Variants in RALGDS observed in about 807,000 individuals in gnomAD.
RALGDS encodes the protein ral guanine nucleotide exchange factor.
RALGDS carries 44 observed loss-of-function variants against 99.8 expected under a neutral mutation model. The ratio of observed to expected loss-of-function variants is 0.44; its 90% CI spans 0.35 to 0.57. The LOEUF is 0.57. Ranked by LOEUF, RALGDS falls within the 20% of genes least tolerant of loss-of-function variation. RALGDS has a pLI of 0.01. For synonymous variants in RALGDS, 529 were observed against 505.0 expected, an observed-to-expected ratio of 1.05 and a Z score of -0.64; for missense variants, 1,022 against 1,203.1, an observed-to-expected ratio of 0.85 and a Z score of 2.23.
In RALGDS at chr9:133,106,668, C is replaced by T; in HGVS notation, c.1494G>A (p.Lys498=). Residue 498 remains lysine (K), a synonymous_variant, in exon 8 of 18, where the codon AAG becomes AAA. Transcript: ENST00000372050. ...ACCTGGAAACGTCTTCCCACGTCTT[C>T]TTCAGACGGTGGATGGAGTTGCTCT... ...ALQSNSIHRL[K]KTWEDVSRDS... The T allele has an allele frequency of 6.2e-7, 1 of 1,611,526 alleles. No homozygotes were observed. Among genetic ancestry groups the T allele is most frequent in the Non-Finnish European group, 8.5e-7 (1 of 1,178,868 alleles).
intron 3 of RALGDS, 68 bp from the exon 4 acceptor site, chr9:133,109,789 TTTTTTTTTTGC>T: frequency 7.5e-7 from 1 of 1,328,562 alleles, no homozygotes. Context: ...GGGCAGGGAT[TTTTTTTTTTGC>T]TTTTTTTCAT....
chr9:133,127,668 G>A (rs1053684764), intron 1 of RALGDS, among the ~76,000 whole-genome samples: 4 of 152,230 alleles, frequency 2.6e-5, no homozygotes, highest in Non-Finnish European at 2.9e-5. Flanking sequence ...GCCTGGCTCA[G>A]CCCCACCTCC....
At position 133,100,820 on chromosome 9, in the gene RALGDS, T is replaced by C. The variant is rs115635611; in HGVS notation, c.2455-438A>G. 2.5e-3 allele frequency: 2,689 copies of C among 1,076,918 alleles called. 54 individuals carry two copies. In the African/African-American group the frequency reaches 0.042, roughly 17 times the overall value. 66.7% of individuals were successfully genotyped at this position (1,076,918 alleles called of 1,614,324 possible). On this transcript the variant is annotated intron_variant, in intron 16 of 17. Transcript: ENST00000372050. Reference sequence around the variant, plus strand: ...GGCCAGGCCCCTGCTACCTTGACCCTGAGGGCCAGAGCACAGGCGGAACTC... The same window carrying C: ...GGCCAGGCCCCTGCTACCTTGACCCCGAGGGCCAGAGCACAGGCGGAACTC...
In RALGDS at chr9:133,131,107, G is replaced by T. The variant is rs140407147; in HGVS notation, c.-24C>A. Reference sequence around the variant, plus strand: ...ATCAGGCCCTGGGGCCCGGCTTCCCGCCCAGACACTGCCCCAGCAGCACCT... The same window carrying T: ...ATCAGGCCCTGGGGCCCGGCTTCCCTCCCAGACACTGCCCCAGCAGCACCT... On this transcript the variant is annotated 5_prime_UTR_variant, in exon 1 of 18. Coordinates refer to the RALGDS transcript ENST00000372062. The T allele has an allele frequency of 1.4e-5, 21 of 1,454,056 alleles. No homozygotes were observed. In the Admixed American group the frequency reaches 4.5e-4, roughly 31 times the overall value. 90.1% of individuals were successfully genotyped at this position (1,454,056 alleles called of 1,614,324 possible).
chr9:133,131,087 GCC>G, exon 1 of RALGDS: 1 of 1,473,150 alleles, frequency 6.8e-7, no homozygotes, highest in Non-Finnish European at 8.9e-7. Flanking sequence ...GGCACATCAG[GCC>G]CTGGGGCCCG....
chr9:133,103,620 T>C, intron 11 of RALGDS, 127 bp downstream of exon 11: 1 of 1,007,342 alleles, frequency 9.9e-7, no homozygotes, highest in Non-Finnish European at 1.6e-6. Flanking sequence ...TGGGCAGCCC[T>C]GGGGTGTCAC....
chr9:133,146,700 T>C lies in RALGDS; in HGVS notation c.18+2263A>G, dbSNP rs182090822. Among the ~76,000 whole-genome samples, 32 of 152,338 alleles carry C rather than the reference T, an allele frequency of 2.1e-4. No homozygotes were observed. The East Asian group carries it at 6.2e-3, about 29-fold the overall frequency. ...GTCACTTCCAAGATTTACAAAAAAC[T>C]ATGACTTCTGTCTTGCTTGTTTGCT... On this transcript the variant is annotated intron_variant, in intron 1 of 17. Transcript: ENST00000393160.
At chr9:133,137,790 C>T (rs779010607) in intron 1 of RALGDS, among the ~76,000 whole-genome samples, 1 of 152,194 alleles carries the variant, frequency 6.6e-6, no homozygotes, top group Non-Finnish European at 1.5e-5. Flanking sequence ...TTCCTAAATT[C>T]CTGGCCCAGG....
rs368805508 is a variant in RALGDS, at chr9:133,098,775, G to A, written c.2570-13C>T. The A allele has an allele frequency of 1.1e-5, 18 of 1,613,680 alleles. No homozygotes were observed. The African/African-American group carries it at 1.7e-4, about 16-fold the overall frequency. On this transcript the variant is annotated splice_polypyrimidine_tract_variant and intron_variant, in intron 17 of 17. Coordinates refer to ENST00000372050, the MANE Select transcript of RALGDS (RefSeq NM_006266.4). Reference sequence around the variant, plus strand: ...GGGATCTTCAGCTCTGGTGGGGAGGGGCAGAGGGGTGATCAGGGATGCTCC... The same window carrying A: ...GGGATCTTCAGCTCTGGTGGGGAGGAGCAGAGGGGTGATCAGGGATGCTCC...
At position 133,121,057 on chromosome 9, in the gene RALGDS, A is replaced by G. The variant is rs1162531905; in HGVS notation, c.98T>C (p.Val33Ala). The G allele has an allele frequency of 2.0e-6, 3 of 1,490,318 alleles. No individual in the cohort carries two copies. The highest frequency in any genetic ancestry group is 2.7e-6 in the Non-Finnish European group (3 of 1,126,694). 92.3% of individuals were successfully genotyped at this position (1,490,318 alleles called of 1,614,324 possible). Residue 33 changes from valine to alanine, a missense_variant, in exon 1 of 18, where the codon GTG (valine) becomes GCG (alanine). Around this residue, in one of 3 missense-constraint regions of RALGDS, gnomAD observed 180 missense variants for 169.3 expected, o/e 1.06. Coordinates refer to ENST00000372050, the MANE Select transcript of RALGDS (RefSeq NM_006266.4). ...GTCGGGGACGCCCACCTCCAGGCGC[A>G]CGGCGTCCCACACGCTGCGGCTCCG... ...SRRSRSVWDA[V>A]RLEVGVPDSC... is the part of the protein sequence containing the mutation.
In RALGDS at chr9:133,107,118, G is replaced by A. The variant is rs759491980; in HGVS notation, c.1380C>T (p.Ala460=). ...GNRSTKAPDR[A]RVVEHWIEVA... is the part of the protein sequence containing the mutation. ...CCTCGATCCAGTGCTCCACCACCCT[G>A]GCCCTGTCTGGGGCTTTCGTGCTTC... The change falls in exon 7 of 18, where the codon GCC becomes GCT. Residue 460 remains alanine, a synonymous_variant. Transcript: ENST00000372050. 6.2e-7 allele frequency: 1 copy of A among 1,613,568 alleles called. No homozygotes were observed. The highest frequency in any genetic ancestry group is 1.3e-5 in the African/African-American group (1 of 74,956).
At chr9:133,145,305 ATC>A (rs969015564) in intron 1 of RALGDS, among the ~76,000 whole-genome samples, 1 of 152,118 alleles carries the variant, frequency 6.6e-6, no homozygotes. Context: ...TCCTTCTGGA[ATC>A]TCTCTGTGCC....
chr9:133,121,859 C>T (rs375297851), upstream of RALGDS, among the ~76,000 whole-genome samples: 4 of 152,190 alleles, frequency 2.6e-5, no homozygotes, highest in Non-Finnish European at 5.9e-5. Flanking sequence ...GTTCAGTGAC[C>T]CTGTCAGTGC....
intron 1 of RALGDS, among the ~76,000 whole-genome samples, chr9:133,138,793 C>G (rs1416553723): frequency 6.6e-6 from 1 of 152,180 alleles, no homozygotes. Flanking sequence ...CACCACCACG[C>G]CCGGCTAATT....
intron 4 of RALGDS, 39 bp from the exon 5 acceptor site, chr9:133,108,905 G>A: frequency 1.3e-6 from 2 of 1,561,286 alleles, no homozygotes; most frequent in Non-Finnish European, 8.8e-7. Context: ...AGAGGCCTGG[G>A]CTCCCCTGAG....
upstream of RALGDS, among the ~76,000 whole-genome samples, chr9:133,122,511 C>T (rs35528861): frequency 0.24 from 37,080 of 152,088 alleles, 4,928 homozygotes; most frequent in Middle Eastern, 0.41. Flanking sequence ...CAGACACCCA[C>T]GAAACACTTC....
intron 8 of RALGDS, 62 bp downstream of exon 8, chr9:133,106,583 G>T: frequency 7.7e-7 from 1 of 1,299,604 alleles, no homozygotes; most frequent in Non-Finnish European, 1.1e-6. Flanking sequence ...TCACTAAGGG[G>T]GTGATGCCAG....
chr9:133,148,503 A>C, intron 1 of RALGDS, among the ~76,000 whole-genome samples: 2 of 148,204 alleles, frequency 1.3e-5, no homozygotes, highest in African/African-American at 2.5e-5. Flanking sequence ...TCCCCCAGTC[A>C]CTTCCCCAGC....
intron 1 of RALGDS, among the ~76,000 whole-genome samples, chr9:133,146,719 G>C (rs1418378533): frequency 6.6e-6 from 1 of 152,226 alleles, no homozygotes; most frequent in Non-Finnish European, 1.5e-5. Context: ...TGTCTTGCTT[G>C]TTTGCTCTTG....
Sources: gnomAD v4.1 joint callset for allele counts (sites outside exome capture counted in the v4.1 genomes callset) on GRCh38, gnomAD v4.1.1 for gene constraint, gnomAD v4.1.1 regional missense constraint, MANE v1.5 for transcripts, NCBI Gene and HGNC (gene_info 2026-07-23, HGNC 2026-07-21) for gene names.